CIMAP1D: variants seen among roughly 807,000 people sequenced by gnomAD.
CIMAP1D encodes the protein protein CIMAP1D.
At chr19:464,004 G>A in the CIMAP1D span, 4 of 1,609,130 alleles carry the variant, frequency 2.5e-6, no homozygotes, top group African/African-American at 1.3e-5. Context: ...AGGGCCGGGG[G>A]TCTCCTCCAG....
the CIMAP1D span, among the ~76,000 whole-genome samples, chr19:473,447 G>A: frequency 2.0e-5 from 2 of 99,396 alleles, no homozygotes; most frequent in African/African-American, 6.9e-5. Context: ...GATCACAGAT[G>A]GGGAGACTGA....
At chr19:484,123 C>A in the CIMAP1D span, among the ~76,000 whole-genome samples, 4 of 146,790 alleles carry the variant, frequency 2.7e-5, 1 homozygote, top group South Asian at 1.0e-3. Flanking sequence ...TTATTTTTTT[C>A]TTTTCTTTTC....
the CIMAP1D span, among the ~76,000 whole-genome samples, chr19:471,934 G>A: frequency 6.6e-6 from 1 of 152,116 alleles, no homozygotes; most frequent in Non-Finnish European, 1.5e-5. Flanking sequence ...TTTTAGTAGA[G>A]ATGGGGTTTC....
At chr19:484,143 T>TTC in the CIMAP1D span, among the ~76,000 whole-genome samples, 1 of 92,458 alleles carries the variant, frequency 1.1e-5, no homozygotes, top group African/African-American at 3.3e-5. Flanking sequence ...CTTTTTCTTT[T>TTC]TTTTTTTTTT....
At chr19:484,115 AT>A in the CIMAP1D span, among the ~76,000 whole-genome samples, 5 of 139,354 alleles carry the variant, frequency 3.6e-5, no homozygotes, top group Non-Finnish European at 4.8e-5. Context: ...TGTTTTATTT[AT>A]TTTTTTCTTT....
the CIMAP1D span, among the ~76,000 whole-genome samples, chr19:475,986 ATT>A: frequency 0.012 from 470 of 39,174 alleles, 4 homozygotes; most frequent in African/African-American, 0.055. Flanking sequence ...CGCCTGGCTA[ATT>A]TTTTTTTTTT....
chr19:474,814 CT>C, the CIMAP1D span: 1 of 1,322,534 alleles, frequency 7.6e-7, no homozygotes, highest in Non-Finnish European at 9.8e-7. Context: ...CGCAGCAGCT[CT>C]GGCGGCCACA....
chr19:464,422 C>T, the CIMAP1D span: 1 of 1,083,856 alleles, frequency 9.2e-7, no homozygotes, highest in African/African-American at 1.6e-5. Flanking sequence ...AGAGACCCGG[C>T]CTGGCTCCCC....
At chr19:463,856 G>A in the CIMAP1D span, 1 of 1,608,784 alleles carries the variant, frequency 6.2e-7, no homozygotes, top group Non-Finnish European at 8.5e-7. Context: ...AGCAGCAGCG[G>A]CCGGGCAGCC....
At chr19:484,500 G>C in the CIMAP1D span, among the ~76,000 whole-genome samples, 2 of 152,188 alleles carry the variant, frequency 1.3e-5, no homozygotes. Flanking sequence ...GTGCAGTGAC[G>C]TGATCACAGA....
the CIMAP1D span, among the ~76,000 whole-genome samples, chr19:466,348 GGATA>G: frequency 2.1e-4 from 24 of 115,480 alleles, no homozygotes; most frequent in African/African-American, 8.1e-4. Context: ...ATGGATGAGT[GGATA>G]GATGGGTGGG....
the CIMAP1D span, among the ~76,000 whole-genome samples, chr19:484,055 G>A: frequency 2.0e-5 from 3 of 152,054 alleles, no homozygotes; most frequent in Non-Finnish European, 4.4e-5. Context: ...CTTCTAGGCT[G>A]CTTCTAGCTC....
At chr19:467,051 AGATG>A in the CIMAP1D span, among the ~76,000 whole-genome samples, 4 of 42,804 alleles carry the variant, frequency 9.3e-5, no homozygotes, top group Non-Finnish European at 1.7e-4. Context: ...ATGGGTGGAT[AGATG>A]GATGGGTGGG....
chr19:468,271 G>T, the CIMAP1D span, among the ~76,000 whole-genome samples: 1 of 152,100 alleles, frequency 6.6e-6, no homozygotes, highest in Non-Finnish European at 1.5e-5. Flanking sequence ...AATGCTGAAG[G>T]GGGAGGATCA....
At chr19:490,050 T>G in the CIMAP1D span, 2 of 398,528 alleles carry the variant, frequency 5.0e-6, no homozygotes, top group Non-Finnish European at 8.8e-6. Context: ...GTAAGTAAAA[T>G]AAATCGTATG....
At chr19:484,935 G>A in the CIMAP1D span, among the ~76,000 whole-genome samples, 1 of 152,290 alleles carries the variant, frequency 6.6e-6, no homozygotes, top group Admixed American at 6.5e-5. Flanking sequence ...TGGGGGTAGG[G>A]AAGCCCGGGG....
chr19:465,503 ATGGT>A, the CIMAP1D span, among the ~76,000 whole-genome samples: 3 of 121,024 alleles, frequency 2.5e-5, no homozygotes, highest in East Asian at 2.7e-4. Flanking sequence ...GGATGGGTGA[ATGGT>A]TGGCTGGATG....
chr19:470,455 C>CCCG, the CIMAP1D span, among the ~76,000 whole-genome samples: 2 of 152,100 alleles, frequency 1.3e-5, no homozygotes, highest in African/African-American at 4.8e-5. Context: ...TCGTGGTCCA[C>CCCG]CCGCCTCGGC....
the CIMAP1D span, among the ~76,000 whole-genome samples, chr19:484,290 G>T: frequency 1.3e-5 from 2 of 151,488 alleles, no homozygotes; most frequent in East Asian, 3.9e-4. Flanking sequence ...ACAGGTGTGC[G>T]CCACCACGCC....
Sources: gnomAD v4.1 joint callset for allele counts (sites outside exome capture counted in the v4.1 genomes callset) on GRCh38, gnomAD v4.1.1 for gene constraint, MANE v1.5 for transcripts, NCBI Gene and HGNC (gene_info 2026-07-23, HGNC 2026-07-21) for gene names.